Variants in CAT observed in about 807,000 individuals in gnomAD.
The protein encoded by CAT is epididymis secretory sperm binding protein.
In CAT, 43 loss-of-function variants were observed where a neutral mutation model predicts 59.0. The ratio of observed to expected loss-of-function variants is 0.73; its 90% CI spans 0.57 to 0.94. The LOEUF is 0.94. Among genes scored for constraint, CAT ranks in the 40% least tolerant of loss-of-function variants. The probability of loss-of-function intolerance (pLI) is 0.00; values close to 1 mark genes in which losing one functional copy is unlikely to be tolerated. For missense variants in CAT, 664 were observed against 682.9 expected, an observed-to-expected ratio of 0.97 and a Z score of 0.31; for synonymous variants, 218 against 230.9, an observed-to-expected ratio of 0.94 and a Z score of 0.51.
At chr11:34,443,687 C>G (rs1266275238) in intron 1 of CAT, among the ~76,000 whole-genome samples, 1 of 151,938 alleles carries the variant, frequency 6.6e-6, no homozygotes, top group Non-Finnish European at 1.5e-5. Context: ...CATTTCAAAC[C>G]TTACCTTTTT....
At chr11:34,439,189 G>C in intron 1 of CAT, 110 bp downstream of exon 1, 2 of 1,000,782 alleles carry the variant, frequency 2.0e-6, no homozygotes, top group Middle Eastern at 2.6e-4. Flanking sequence ...ACTGTACCGC[G>C]GCTCACTGGG....
intron 6 of CAT, 26 bp downstream of exon 6, chr11:34,453,952 G>T (rs1158362575): frequency 6.2e-7 from 1 of 1,611,414 alleles, no homozygotes; most frequent in Non-Finnish European, 8.5e-7. Flanking sequence ...GGGGCAGAGG[G>T]TACAAGGCTC....
chr11:34,455,085 T>A (rs992693895), intron 6 of CAT, among the ~76,000 whole-genome samples: 3 of 152,202 alleles, frequency 2.0e-5, no homozygotes, highest in Admixed American at 1.3e-4. Context: ...TCAGTTAAAA[T>A]CAGAAAGGTA....
rs765549657 is a variant in CAT, at chr11:34,438,969, C to G, written c.-45C>G. On this transcript the variant is annotated 5_prime_UTR_variant, in exon 1 of 13. Transcript: ENST00000241052. Reference sequence around the variant, plus strand: ...TTTGCCTGCTGAGGGTGGAGACCCACGAGCCGAGGCCTCCTGCAGTGTTCT... The same window carrying G: ...TTTGCCTGCTGAGGGTGGAGACCCAGGAGCCGAGGCCTCCTGCAGTGTTCT... The G allele has an allele frequency of 3.3e-6, 5 of 1,528,366 alleles. No homozygotes were observed. Among genetic ancestry groups the G allele is most frequent in the East Asian group, 2.4e-5 (1 of 41,076 alleles). 94.7% of individuals were successfully genotyped at this position (1,528,366 alleles called of 1,614,324 possible). A position where few individuals can be genotyped will look rare whatever the true frequency, so the allele number is the denominator to read the frequency against.
At chr11:34,466,234 C>A (rs1856713769) in intron 10 of CAT, among the ~76,000 whole-genome samples, 1 of 152,188 alleles carries the variant, frequency 6.6e-6, no homozygotes, top group Non-Finnish European at 1.5e-5. Flanking sequence ...TCTTTCTACG[C>A]CATCTGTCAG....
At chr11:34,447,711 A>G (rs1016824844) in intron 1 of CAT, among the ~76,000 whole-genome samples, 1 of 152,228 alleles carries the variant, frequency 6.6e-6, no homozygotes, top group Non-Finnish European at 1.5e-5. Context: ...CTGCGAGGTC[A>G]TGTTCTCACA....
rs190620671 is a variant in CAT, at chr11:34,453,194, G to A, written c.585G>A (p.Gln195=). 2 of 1,580,864 alleles carry A rather than the reference G, an allele frequency of 1.3e-6. No individual in the cohort carries two copies. Among genetic ancestry groups the A allele is most frequent in the Non-Finnish European group, 1.7e-6 (2 of 1,149,736 alleles). ...GCCTACGTCCTGAGTCTCTGCATCA[G>A]GTATGAACCCTTTTTTGCCATTGTA... ...FWSLRPESLH[Q]VSFLFSDRGI... Residue 195 remains glutamine, a splice_region_variant and synonymous_variant, in exon 5 of 13, where the codon CAG becomes CAA. Transcript: ENST00000241052.
chr11:34,469,719 G>A (rs1856754499), intron 11 of CAT, among the ~76,000 whole-genome samples: 1 of 151,644 alleles, frequency 6.6e-6, no homozygotes, highest in Non-Finnish European at 1.5e-5. Context: ...AGGCTGGACT[G>A]CAGTGGCATG....
chr11:34,455,341 G>T (rs997638666), intron 6 of CAT, among the ~76,000 whole-genome samples: 1 of 152,064 alleles, frequency 6.6e-6, no homozygotes, highest in African/African-American at 2.4e-5. Context: ...AAGATCACAT[G>T]GTCAGTCCAT....
chr11:34,447,848 T>C (rs1564961286), intron 1 of CAT, among the ~76,000 whole-genome samples: 1 of 151,422 alleles, frequency 6.6e-6, no homozygotes, highest in Non-Finnish European at 1.5e-5. Flanking sequence ...TGGAGACTCA[T>C]AAATAAGTAA....
intron 3 of CAT, among the ~76,000 whole-genome samples, chr11:34,451,616 G>T (rs1249719445): frequency 6.6e-6 from 1 of 152,156 alleles, no homozygotes; most frequent in Non-Finnish European, 1.5e-5. Flanking sequence ...TTCCGTTTCT[G>T]TGTCAGTCTC....
chr11:34,471,758 A>G lies in CAT; in HGVS notation c.*325A>G, dbSNP rs1000102164. 2.8e-6 allele frequency: 1 copy of G among 362,888 alleles called. No homozygotes were observed. The highest frequency in any genetic ancestry group is 5.3e-6 in the Non-Finnish European group (1 of 190,218). The allele number at this position is 362,888 out of a possible 1,614,324, so 22.5% of individuals were successfully genotyped here. On this transcript the variant is annotated 3_prime_UTR_variant, in exon 13 of 13. Coordinates refer to ENST00000241052, the MANE Select transcript of CAT (RefSeq NM_001752.4). The stretch of plus-strand genomic sequence containing the variant: ...ATTTGTTGAAATTATGTATGTTTAC[A>G]TATCACCTCATGGCCTATTATATTA...
intron 9 of CAT, among the ~76,000 whole-genome samples, chr11:34,463,780 T>A (rs1856680022): frequency 6.6e-6 from 1 of 152,208 alleles, no homozygotes; most frequent in Non-Finnish European, 1.5e-5. Context: ...ATCAAGCCTG[T>A]ATAAACTTCT....
rs193156288 is a variant in CAT, at chr11:34,458,355, T to G, written c.1056+1538T>G. The stretch of plus-strand genomic sequence containing the variant: ...AAATGCTTGAGTAGGAGTGAAAAGC[T>G]TTCTTCAGTTTTGAGAAGTGTGGTC... On this transcript the variant is annotated intron_variant, in intron 8 of 12. Transcript: ENST00000241052. 6.6e-5 allele frequency among the ~76,000 whole-genome samples: 10 copies of G among 152,320 alleles called. No individual in the cohort carries two copies. In the East Asian group the frequency reaches 1.7e-3, roughly 26 times the overall value.
intron 1 of CAT, among the ~76,000 whole-genome samples, chr11:34,439,806 G>A (rs1856365235): frequency 6.6e-6 from 1 of 152,286 alleles, no homozygotes; most frequent in South Asian, 2.1e-4. Flanking sequence ...TCTGGGAGAC[G>A]AGACACATAA....
At chr11:34,452,237 A>C (rs1179319895) in intron 4 of CAT, 30 bp downstream of exon 4, 1 of 1,607,824 alleles carries the variant, frequency 6.2e-7, no homozygotes, top group Non-Finnish European at 8.5e-7. Context: ...GCACTCAACA[A>C]ATGTTTGTTG....
At chr11:34,458,871 T>C (rs796112148) in intron 8 of CAT, among the ~76,000 whole-genome samples, 78 of 152,296 alleles carry the variant, frequency 5.1e-4, no homozygotes, top group African/African-American at 1.7e-3. Context: ...AAAGCAAATG[T>C]CTAAGGCAGC....
intron 11 of CAT, among the ~76,000 whole-genome samples, chr11:34,469,941 C>T (rs577277695): frequency 1.4e-4 from 22 of 152,268 alleles, no homozygotes; most frequent in East Asian, 1.9e-4. Context: ...GCTGGGATTT[C>T]GGGCGTGAGC....
intron 10 of CAT, among the ~76,000 whole-genome samples, chr11:34,465,538 C>T (rs1003514039): frequency 6.6e-6 from 1 of 152,024 alleles, no homozygotes; most frequent in Non-Finnish European, 1.5e-5. Flanking sequence ...CTCATACAAC[C>T]CCTGCAAAAA....
Sources: allele counts gnomAD v4.1 joint callset (sites outside exome capture counted in the v4.1 genomes callset), GRCh38; gene constraint gnomAD v4.1.1; transcripts MANE v1.5; gene names NCBI Gene and HGNC (gene_info 2026-07-23, HGNC 2026-07-21).